BIN3: variants seen among roughly 807,000 people sequenced by gnomAD.
BIN3 encodes bridging integrator 3.
BIN3 carries 41 observed loss-of-function variants against 38.2 expected under a neutral mutation model. The ratio of observed to expected loss-of-function variants is 1.07; its 90% CI spans 0.84 to 1.39. BIN3 has a LOEUF of 1.39. BIN3 is among the 40% of genes most tolerant of loss of function. The pLI is 0.00. For synonymous variants in BIN3, 145 were observed against 122.6 expected (o/e 1.18, Z -1.21); for missense variants, 361 against 324.3 (o/e 1.11, Z -0.87).
intron 4 of BIN3, among the ~76,000 whole-genome samples, chr8:22,630,796 T>C (rs545998844): frequency 2.0e-5 from 3 of 152,288 alleles, no homozygotes; most frequent in Non-Finnish European, 4.4e-5. Context: ...GACAATTCTT[T>C]TGAGCCGCTT....
At position 22,645,533 on chromosome 8, in the gene BIN3, GAGGAA is replaced by G. The variant is rs558794584; in HGVS notation, c.9-735_9-731del. On this transcript the variant is annotated intron_variant, in intron 1 of 8. Transcript: ENST00000276416. ...AGGGAAGAAAGGGGAAGGGGAGGGGGAGGAAAGGAAAGGAAAGGAAAGGAAAGGGG... is the reference window on the plus strand; with the variant it reads ...AGGGAAGAAAGGGGAAGGGGAGGGGGAGGAAAGGAAAGGAAAGGAAAGGGG... Among the ~76,000 whole-genome samples, 393 of 151,042 alleles carry G rather than the reference GAGGAA, an allele frequency of 2.6e-3. 2 individuals are homozygous for G. The highest frequency in any genetic ancestry group is 7.2e-3 in the East Asian group (37 of 5,132).
At chr8:22,664,876 A>C (rs1803362931) in intron 1 of BIN3, among the ~76,000 whole-genome samples, 1 of 152,240 alleles carries the variant, frequency 6.6e-6, no homozygotes, top group African/African-American at 2.4e-5. Context: ...AGGGGAAAGG[A>C]CTTCACTGAG....
intron 1 of BIN3, among the ~76,000 whole-genome samples, chr8:22,655,662 A>C (rs1392776722): frequency 1.3e-5 from 2 of 152,168 alleles, no homozygotes; most frequent in East Asian, 3.8e-4. Context: ...AACCTTCATT[A>C]CTGTAGCTTT....
intron 1 of BIN3, among the ~76,000 whole-genome samples, chr8:22,650,203 G>A (rs1802847353): frequency 6.6e-6 from 1 of 152,168 alleles, no homozygotes; most frequent in South Asian, 2.1e-4. Flanking sequence ...GATCAATTCT[G>A]TATACTGTGT....
Position 22,637,448 on chromosome 8 carries a change from C to T in BIN3, c.58-486G>A, listed in dbSNP as rs115803753. Among the ~76,000 whole-genome samples, 963 of 152,318 alleles carry T rather than the reference C, an allele frequency of 6.3e-3. 15 individuals carry two copies. The highest frequency in any genetic ancestry group is 0.022 in the African/African-American group (928 of 41,568). ...CTCAGGGCCACCTGCCCCTGCTGGG[C>T]TCAGGGTGGGTCAGGAACAATCGTG... On this transcript the variant is annotated intron_variant, in intron 2 of 8. Coordinates refer to ENST00000276416, the MANE Select transcript of BIN3 (RefSeq NM_018688.6).
intron 8 of BIN3, among the ~76,000 whole-genome samples, chr8:22,623,557 C>T (rs1208911910): frequency 6.6e-6 from 1 of 152,216 alleles, no homozygotes; most frequent in Non-Finnish European, 1.5e-5. Flanking sequence ...CTCCAGATCC[C>T]TTTCTTCTCG....
intron 2 of BIN3, among the ~76,000 whole-genome samples, chr8:22,639,381 G>A (rs971363033): frequency 4.6e-5 from 7 of 152,120 alleles, no homozygotes; most frequent in African/African-American, 1.7e-4. Flanking sequence ...ATAGGCATAT[G>A]CCATTATGCC....
chr8:22,638,651 G>A (rs1802446400), intron 2 of BIN3, among the ~76,000 whole-genome samples: 1 of 152,178 alleles, frequency 6.6e-6, no homozygotes, highest in African/African-American at 2.4e-5. Flanking sequence ...CTGGCTCTCT[G>A]GGCATGACAA....
At chr8:22,635,752 C>CTTT (rs1563957272) in intron 4 of BIN3, among the ~76,000 whole-genome samples, 1 of 152,162 alleles carries the variant, frequency 6.6e-6, no homozygotes, top group East Asian at 1.9e-4. Flanking sequence ...ATTGATCAAC[C>CTTT]TTTGGTCAAG....
In BIN3 at chr8:22,668,967, G is replaced by A. The variant is rs559168712; in HGVS notation, c.8+77C>T. The A allele has an allele frequency of 2.3e-5, 35 of 1,539,354 alleles. No individual in the cohort carries two copies. In the East Asian group the frequency reaches 4.4e-4, roughly 19 times the overall value. On this transcript the variant is annotated intron_variant, in intron 1 of 8. Coordinates refer to ENST00000276416, the MANE Select transcript of BIN3 (RefSeq NM_018688.6). Reference sequence around the variant, plus strand: ...GTCGCGCGGGACCGGAGGGAGCCGGGACGCGGCACTGACACAGGGCCAGGG... The same window carrying A: ...GTCGCGCGGGACCGGAGGGAGCCGGAACGCGGCACTGACACAGGGCCAGGG...
chr8:22,638,920 G>GA (rs1802453792), intron 2 of BIN3, among the ~76,000 whole-genome samples: 1 of 152,136 alleles, frequency 6.6e-6, no homozygotes, highest in Non-Finnish European at 1.5e-5. Context: ...CTACTCGTAA[G>GA]AAAAAAATTC....
intron 2 of BIN3, among the ~76,000 whole-genome samples, chr8:22,643,065 G>T (rs1466954516): frequency 6.6e-6 from 1 of 152,224 alleles, no homozygotes; most frequent in African/African-American, 2.4e-5. Context: ...AGGTTGGGGT[G>T]CTGGGAGGGT....
At chr8:22,655,333 T>C (rs1803022550) in intron 1 of BIN3, among the ~76,000 whole-genome samples, 1 of 152,234 alleles carries the variant, frequency 6.6e-6, no homozygotes, top group African/African-American at 2.4e-5. Context: ...TTTGGTGTCA[T>C]ATGTAAGAAT....
intron 1 of BIN3, among the ~76,000 whole-genome samples, chr8:22,653,735 T>A (rs1802969816): frequency 6.6e-6 from 1 of 152,190 alleles, no homozygotes; most frequent in African/African-American, 2.4e-5. Context: ...ATGTAAACAC[T>A]TTATGTTTCA....
chr8:22,664,435 G>A (rs1803346366), intron 1 of BIN3, among the ~76,000 whole-genome samples: 1 of 152,238 alleles, frequency 6.6e-6, no homozygotes, highest in African/African-American at 2.4e-5. Context: ...CAGAGGACAT[G>A]AGTGATGAGG....
At chr8:22,625,132 C>CA in intron 6 of BIN3, 2 of 570,942 alleles carry the variant, frequency 3.5e-6, no homozygotes, top group South Asian at 2.3e-5. Context: ...GTGGGAGACT[C>CA]AGAGGAGTGG....
chr8:22,623,177 C>T (rs1801891692), intron 8 of BIN3, among the ~76,000 whole-genome samples: 1 of 152,248 alleles, frequency 6.6e-6, no homozygotes, highest in Non-Finnish European at 1.5e-5. Context: ...CAGCAGGGTC[C>T]TGTGTGGAAG....
rs17088504 is a variant in BIN3, at chr8:22,637,100, G to C, written c.58-138C>G. 4,077 of 735,336 alleles carry C rather than the reference G, an allele frequency of 5.5e-3. 110 individuals are homozygous for C. The East Asian group carries it at 0.066, about 12-fold the overall frequency. 45.6% of individuals were successfully genotyped at this position (735,336 alleles called of 1,614,324 possible). ...GGTCCAGTTCACACAAGCACCGACA[G>C]ATCGCTCCTGACACGGTATTTCTGA... On this transcript the variant is annotated intron_variant, in intron 2 of 8. Coordinates refer to ENST00000276416, the MANE Select transcript of BIN3 (RefSeq NM_018688.6).
chr8:22,662,091 G>A (rs558865247), intron 1 of BIN3, among the ~76,000 whole-genome samples: 6 of 152,268 alleles, frequency 3.9e-5, no homozygotes, highest in African/African-American at 1.2e-4. Context: ...CAACACGCCC[G>A]GCCCATAACA....
Sources: gnomAD v4.1 joint callset for allele counts (sites outside exome capture counted in the v4.1 genomes callset) on GRCh38, gnomAD v4.1.1 for gene constraint, MANE v1.5 for transcripts, NCBI Gene and HGNC (gene_info 2026-07-23, HGNC 2026-07-21) for gene names.